ROBO1: variants seen among roughly 807,000 people sequenced by gnomAD.
ROBO1 encodes roundabout homolog 1.
A neutral mutation model predicts 195.9 loss-of-function variants in ROBO1; 149 were observed. The ratio of observed to expected loss-of-function variants is 0.76; its 90% CI spans 0.67 to 0.87. The LOEUF is 0.87. ROBO1 is among the 40% of genes least tolerant of loss of function. The probability of loss-of-function intolerance (pLI) is 0.00; values close to 1 mark genes in which losing one functional copy is unlikely to be tolerated. For synonymous variants in ROBO1, 816 were observed against 733.2 expected (o/e 1.11, Z -1.82); for missense variants, 1,933 against 2,068.3 (o/e 0.93, Z 1.27).
In ROBO1 at chr3:79,754,546, G is replaced by A. The variant is rs990449361; in HGVS notation, c.-51+13206C>T. On this transcript the variant is annotated intron_variant, in intron 1 of 30. Transcript: ENST00000464233. Reference sequence around the variant, plus strand: ...GGAACCAATGAGAAGAAGATCCTGCGAATGACCGAGCATCTCAGCAACGCT... The same window carrying A: ...GGAACCAATGAGAAGAAGATCCTGCAAATGACCGAGCATCTCAGCAACGCT... Among the ~76,000 whole-genome samples, 5 of 152,136 alleles carry A rather than the reference G, an allele frequency of 3.3e-5. 1 individual carries two copies. In the South Asian group the frequency reaches 1.0e-3, roughly 32 times the overall value.
intron 2 of ROBO1, among the ~76,000 whole-genome samples, chr3:79,284,049 T>C (rs537363199): frequency 6.6e-6 from 1 of 151,948 alleles, no homozygotes; most frequent in Non-Finnish European, 1.5e-5. Context: ...GGGTCGCTGG[T>C]GGATTTTTCT....
intron 1 of ROBO1, among the ~76,000 whole-genome samples, chr3:79,605,603 T>C (rs140698367): frequency 2.0e-5 from 3 of 152,118 alleles, no homozygotes; most frequent in African/African-American, 7.2e-5. Flanking sequence ...CAGCTTCTTG[T>C]TCCAACTTCC....
chr3:79,072,555 T>C (rs1273842492), intron 3 of ROBO1, among the ~76,000 whole-genome samples: 1 of 151,942 alleles, frequency 6.6e-6, no homozygotes, highest in African/African-American at 2.4e-5. Flanking sequence ...CTTCATGAGT[T>C]AGACTATGTC....
chr3:79,767,325 G>A (rs2107544399), intron 1 of ROBO1, among the ~76,000 whole-genome samples: 1 of 152,080 alleles, frequency 6.6e-6, no homozygotes, highest in Admixed American at 6.5e-5. Flanking sequence ...GATGCTCGCC[G>A]CATCCCTAGA....
At chr3:78,928,813 G>T (rs1249884824) in intron 4 of ROBO1, among the ~76,000 whole-genome samples, 4 of 152,046 alleles carry the variant, frequency 2.6e-5, no homozygotes, top group Admixed American at 1.3e-4. Context: ...TGTTCTAAAG[G>T]TCCTTCTACA....
chr3:78,888,305 C>T (rs1275380291), intron 4 of ROBO1, among the ~76,000 whole-genome samples: 2 of 152,176 alleles, frequency 1.3e-5, no homozygotes, highest in African/African-American at 4.8e-5. Flanking sequence ...CCATTTACTA[C>T]TGGTTAGCCA....
intron 1 of ROBO1, among the ~76,000 whole-genome samples, chr3:79,753,415 G>A (rs1322506001): frequency 6.6e-6 from 1 of 152,112 alleles, no homozygotes; most frequent in East Asian, 1.9e-4. Context: ...AGACAAAATA[G>A]GGTTGAACCT....
intron 2 of ROBO1, among the ~76,000 whole-genome samples, chr3:79,293,292 A>C (rs1329281136): frequency 6.6e-6 from 1 of 152,050 alleles, no homozygotes; most frequent in African/African-American, 2.4e-5. Flanking sequence ...TAGTCTTGCT[A>C]GTGGTCTATA....
chr3:79,049,509 C>CA (rs1333919892), intron 3 of ROBO1, among the ~76,000 whole-genome samples: 10 of 152,254 alleles, frequency 6.6e-5, no homozygotes, highest in Non-Finnish European at 1.5e-4. Context: ...CCCAACCTAG[C>CA]AAGGCAGGCC....
chr3:79,624,381 C>T (rs1576137196), intron 1 of ROBO1, among the ~76,000 whole-genome samples: 1 of 152,154 alleles, frequency 6.6e-6, no homozygotes, highest in Middle Eastern at 3.4e-3. Flanking sequence ...CTAAACACCA[C>T]AATTAAAAGA....
intron 4 of ROBO1, among the ~76,000 whole-genome samples, chr3:78,881,914 TAG>T (rs2036203499): frequency 6.6e-6 from 1 of 152,160 alleles, no homozygotes; most frequent in Admixed American, 6.6e-5. Context: ...AAAAAATACA[TAG>T]AGGTTATGAA....
chr3:79,706,123 C>T (rs1947763198), intron 1 of ROBO1, among the ~76,000 whole-genome samples: 1 of 151,980 alleles, frequency 6.6e-6, no homozygotes, highest in South Asian at 2.1e-4. Context: ...TTTTCCTTCC[C>T]AATCAGCACA....
chr3:78,985,779 G>C (rs939824966), intron 3 of ROBO1, among the ~76,000 whole-genome samples: 7 of 152,062 alleles, frequency 4.6e-5, no homozygotes, highest in Non-Finnish European at 4.4e-5. Flanking sequence ...TATTTATACA[G>C]AGCAGTCAAG....
At chr3:79,253,169 T>C (rs2082764687) in intron 2 of ROBO1, among the ~76,000 whole-genome samples, 1 of 152,028 alleles carries the variant, frequency 6.6e-6, no homozygotes, top group South Asian at 2.1e-4. Context: ...AAAAAAGAAA[T>C]TGCTTGATGA....
At chr3:78,977,159 C>G (rs1208098598) in intron 3 of ROBO1, among the ~76,000 whole-genome samples, 1 of 152,130 alleles carries the variant, frequency 6.6e-6, no homozygotes, top group Admixed American at 6.6e-5. Flanking sequence ...GATTAAATCC[C>G]AAACCACTTA....
chr3:79,382,494 A>G (rs2036607828), intron 2 of ROBO1, among the ~76,000 whole-genome samples: 1 of 152,192 alleles, frequency 6.6e-6, no homozygotes, highest in Non-Finnish European at 1.5e-5. Flanking sequence ...CTATTACATT[A>G]TAATAGATGC....
rs145644855 is a variant in ROBO1, at chr3:79,730,126, C to T, written c.-51+37626G>A. On this transcript the variant is annotated intron_variant, in intron 1 of 30. Transcript: ENST00000464233. The stretch of plus-strand genomic sequence containing the variant: ...CATCTACTAGGTGCTAAGGATCTTT[C>T]CCTAACAATCATGGTTTAGAGAAAT... Among the ~76,000 whole-genome samples the T allele has an allele frequency of 5.1e-3, 778 of 152,234 alleles. 5 individuals are homozygous for T. The highest frequency in any genetic ancestry group is 0.018 in the African/African-American group (745 of 41,534).
Position 79,661,768 on chromosome 3 carries a change from C to T in ROBO1, c.-50-71807G>A, listed in dbSNP as rs1576194263. On this transcript the variant is annotated intron_variant, in intron 1 of 30. Coordinates refer to ENST00000464233, the MANE Select transcript of ROBO1 (RefSeq NM_002941.4). ...CAAGAAAATTTCTTATTCAATGTGT[C>T]TTCTATATCACATTTTACATATTGA... Among the ~76,000 whole-genome samples the T allele has an allele frequency of 2.0e-5, 3 of 152,014 alleles. No homozygotes were observed. The Middle Eastern group carries it at 0.01, about 517-fold the overall frequency.
At chr3:78,896,635 AAAATAAACAGCCTTGTTGCTCAC>A (rs1287065300) in intron 4 of ROBO1, among the ~76,000 whole-genome samples, 1 of 150,442 alleles carries the variant, frequency 6.6e-6, no homozygotes, top group Non-Finnish European at 1.5e-5. Context: ...GCACCCAAGT[AAAATAAACAGCCTTGTTGCTCAC>A]AAAAAAAAAA....
Sources: allele counts gnomAD v4.1 joint callset (sites outside exome capture counted in the v4.1 genomes callset), GRCh38; gene constraint gnomAD v4.1.1; transcripts MANE v1.5; gene names NCBI Gene and HGNC (gene_info 2026-07-23, HGNC 2026-07-21).